The following RTKN2 variants were observed in gnomAD, a reference collection of about 807,000 sequenced individuals.
RTKN2 encodes the protein rhotekin 2.
In RTKN2, 69 loss-of-function variants were observed where a neutral mutation model predicts 71.5. That is an observed-to-expected ratio of 0.96 (90% CI 0.79 to 1.18). The LOEUF (loss-of-function observed/expected upper bound fraction) is 1.18. Ranked by LOEUF, RTKN2 falls within the 50% of genes most tolerant of loss-of-function variation. RTKN2 has a pLI of 0.00. For synonymous variants in RTKN2, 236 were observed against 236.5 expected (o/e 1.00, Z 0.02); for missense variants, 724 against 719.7 (o/e 1.01, Z -0.07).
chr10:62,264,620 C>T (rs953987580), intron 1 of RTKN2, among the ~76,000 whole-genome samples: 2 of 152,044 alleles, frequency 1.3e-5, no homozygotes, highest in Non-Finnish European at 2.9e-5. Context: ...ATAGCTTTAC[C>T]CCACAACTCA....
intron 2 of RTKN2, among the ~76,000 whole-genome samples, chr10:62,253,467 AAC>A (rs1355981802): frequency 1.3e-5 from 2 of 152,202 alleles, no homozygotes; most frequent in African/African-American, 2.4e-5. Flanking sequence ...CAGAAAACCT[AAC>A]ACAGTCATTA....
intron 2 of RTKN2, among the ~76,000 whole-genome samples, chr10:62,253,556 A>T (rs1205950266): frequency 1.3e-5 from 2 of 152,190 alleles, no homozygotes; most frequent in African/African-American, 2.4e-5. Flanking sequence ...CCAATGTGAC[A>T]GTCATGAAAA....
At chr10:62,226,466 G>A (rs1275091586) in intron 6 of RTKN2, among the ~76,000 whole-genome samples, 1 of 152,132 alleles carries the variant, frequency 6.6e-6, no homozygotes, top group Non-Finnish European at 1.5e-5. Context: ...TCTATACCCA[G>A]TGTTTCTGGT....
At chr10:62,228,901 G>C (rs1207742112) in intron 6 of RTKN2, among the ~76,000 whole-genome samples, 1 of 152,136 alleles carries the variant, frequency 6.6e-6, no homozygotes. Context: ...ATGAATGAGG[G>C]GCAGAGAGAG....
chr10:62,216,385 T>G (rs904031196), intron 9 of RTKN2, among the ~76,000 whole-genome samples: 2 of 152,020 alleles, frequency 1.3e-5, no homozygotes, highest in Non-Finnish European at 2.9e-5. Flanking sequence ...TGCAATTATT[T>G]TAGAGTAGGA....
intron 2 of RTKN2, among the ~76,000 whole-genome samples, chr10:62,259,443 A>T (rs1842733290): frequency 6.6e-6 from 1 of 152,196 alleles, no homozygotes; most frequent in Non-Finnish European, 1.5e-5. Flanking sequence ...GCTTTCTTGA[A>T]TCTTGCTTCC....
At chr10:62,189,852 C>CTT (rs34781086), downstream of RTKN2, among the ~76,000 whole-genome samples, 1,665 of 146,332 alleles carry the variant, frequency 0.011, 29 homozygotes, top group African/African-American at 0.04. Context: ...ATTCACCCAC[C>CTT]TTTTTTTTTT....
At chr10:62,217,969 T>A (rs971916630) in intron 8 of RTKN2, among the ~76,000 whole-genome samples, 1 of 152,262 alleles carries the variant, frequency 6.6e-6, no homozygotes, top group Non-Finnish European at 1.5e-5. Flanking sequence ...CAGAGGAGCA[T>A]GGAGAGGTAG....
chr10:62,264,812 G>C (rs1218624680), intron 1 of RTKN2, among the ~76,000 whole-genome samples: 2 of 149,400 alleles, frequency 1.3e-5, no homozygotes, highest in East Asian at 4.0e-4. Flanking sequence ...AACCAATCAG[G>C]CTCTCTGGAG....
In RTKN2 at chr10:62,243,127, TC is replaced by T. The variant is rs1338001589; in HGVS notation, c.317-1933del. 8.4e-4 allele frequency among the ~76,000 whole-genome samples: 72 copies of T among 85,498 alleles called. 1 individual carries two copies. The highest frequency in any genetic ancestry group is 3.4e-3 in the African/African-American group (71 of 21,030). The allele number at this position is 85,498 out of a possible 152,430, so 56.1% of individuals were successfully genotyped here. A position where few individuals can be genotyped will look rare whatever the true frequency, so the allele number is the denominator to read the frequency against. On this transcript the variant is annotated intron_variant, in intron 3 of 11. Coordinates refer to ENST00000373789, the MANE Select transcript of RTKN2 (RefSeq NM_145307.4). Reference sequence around the variant, plus strand: ...TAGATATATCTCCTAATGCTATCCCTCCCCCCTCCCCCCACCCCACAACAGT... The same window carrying T: ...TAGATATATCTCCTAATGCTATCCCTCCCCCTCCCCCCACCCCACAACAGT...
chr10:62,197,310 T>C lies in RTKN2; in HGVS notation c.*598A>G, dbSNP rs1223289415. The C allele has an allele frequency of 1.4e-5, 14 of 985,338 alleles. No homozygotes were observed. The highest frequency in any genetic ancestry group is 5.2e-4 in the Middle Eastern group (1 of 1,934). The allele number at this position is 985,338 out of a possible 1,614,324, so 61.0% of individuals were successfully genotyped here. On this transcript the variant is annotated 3_prime_UTR_variant, in exon 12 of 12. Transcript: ENST00000373789. ...AAGGAAACAAGTTTGAATAGCACAT[T>C]ACAAATTCCCTTTAAAGATGAAGAA...
Position 62,198,146 on chromosome 10 carries a change from C to T in RTKN2, c.1592G>A (p.Gly531Glu). The T allele has an allele frequency of 6.2e-7, 1 of 1,614,082 alleles. No homozygotes were observed. The highest frequency in any genetic ancestry group is 8.5e-7 in the Non-Finnish European group (1 of 1,179,962). ...CGATGTCTGAGATACACTTGTTTTT[C>T]CCCAGTTGTCCTTAACCAATTGATC... ...NTDQLVKDNWGKTSVSQTSSL... is the reference protein window; with the variant it reads ...NTDQLVKDNWEKTSVSQTSSL... The change falls in exon 12 of 12, where the codon GGA becomes GAA. Residue 531 changes from glycine to glutamate, a missense_variant. By Grantham distance (98) the Gly-to-Glu change is moderately conservative. Transcript: ENST00000373789.
chr10:62,195,577 AGGAGGGAAGGAGAGACGGACAGAG>A lies in RTKN2; in HGVS notation c.*2307_*2330del. The A allele has an allele frequency of 1.6e-6, 1 of 631,100 alleles. No individual in the cohort carries two copies. Among genetic ancestry groups the A allele is most frequent in the Non-Finnish European group, 2.0e-6 (1 of 507,244 alleles). 39.1% of individuals were successfully genotyped at this position (631,100 alleles called of 1,614,324 possible). ...AAGACAAAAAGGAAGGAAGGAGGGA[AGGAGGGAAGGAGAGACGGACAGAG>A]GGAATGAAGGAAGGAAGGAAGGAAG... On this transcript the variant is annotated 3_prime_UTR_variant, in exon 12 of 12. Transcript: ENST00000373789.
At chr10:62,237,701 C>G (rs1842287178) in intron 5 of RTKN2, among the ~76,000 whole-genome samples, 1 of 151,686 alleles carries the variant, frequency 6.6e-6, no homozygotes, top group South Asian at 2.1e-4. Flanking sequence ...TCCCCTGACC[C>G]TCCCCCACTT....
chr10:62,259,752 A>C (rs976383485), intron 2 of RTKN2, among the ~76,000 whole-genome samples: 1 of 152,062 alleles, frequency 6.6e-6, no homozygotes, highest in African/African-American at 2.4e-5. Context: ...GGTTTTTGCC[A>C]TGTTGCCTAA....
rs1370619946 is a variant in RTKN2 at position 62,196,935 on chromosome 10, G to A, written c.*973C>T. ...TACCTCCTATGGAAATGATTCCAAT[G>A]TCACTGTTGTAAGAATATGACATTT... On this transcript the variant is annotated 3_prime_UTR_variant, in exon 12 of 12. Transcript: ENST00000373789. 1 of 982,278 alleles carries A rather than the reference G, an allele frequency of 1.0e-6. No individual in the cohort carries two copies. Among genetic ancestry groups the A allele is most frequent in the African/African-American group, 1.8e-5 (1 of 57,092 alleles). The allele number at this position is 982,278 out of a possible 1,614,324, so 60.8% of individuals were successfully genotyped here.
chr10:62,257,658 A>G (rs1275848729), intron 2 of RTKN2, among the ~76,000 whole-genome samples: 1 of 152,228 alleles, frequency 6.6e-6, no homozygotes. Flanking sequence ...TCAGACCACA[A>G]GGATTCTGGA....
chr10:62,261,088 G>A (rs1206166978), intron 2 of RTKN2, among the ~76,000 whole-genome samples: 2 of 152,090 alleles, frequency 1.3e-5, no homozygotes, highest in African/African-American at 4.8e-5. Flanking sequence ...TGTACTCTCA[G>A]TGCTACAAGT....
intron 6 of RTKN2, among the ~76,000 whole-genome samples, chr10:62,227,642 C>T (rs141220478): frequency 2.2e-4 from 33 of 152,058 alleles, no homozygotes; most frequent in African/African-American, 7.5e-4. Context: ...TGGTAGGTTC[C>T]GAGCAGAGTC....
Sources: allele counts gnomAD v4.1 joint callset (sites outside exome capture counted in the v4.1 genomes callset), GRCh38; gene constraint gnomAD v4.1.1; transcripts MANE v1.5; gene names NCBI Gene and HGNC (gene_info 2026-07-23, HGNC 2026-07-21).